The following CSMD1 variants were observed in gnomAD, a reference collection of about 807,000 sequenced individuals.
The protein encoded by CSMD1 is CUB and sushi domain-containing protein 1.
A neutral mutation model predicts 417.5 loss-of-function variants in CSMD1; 213 were observed. The observed-to-expected ratio is 0.51, with a 90% confidence interval of 0.46 to 0.57. The LOEUF is 0.57. CSMD1 is among the 20% of genes least tolerant of loss of function. The pLI, the probability that CSMD1 is intolerant of heterozygous loss-of-function variation, is 0.00. For synonymous variants in CSMD1, 2,862 were observed against 1,736.8 expected, an observed-to-expected ratio of 1.65 and a Z score of -16.11; for missense variants, 6,923 against 4,529.7, an observed-to-expected ratio of 1.53 and a Z score of -15.17.
At chr8:3,770,990 TTCTCTCTC>T (rs147124793) in intron 5 of CSMD1, among the ~76,000 whole-genome samples, 3 of 145,418 alleles carry the variant, frequency 2.1e-5, no homozygotes, top group African/African-American at 7.7e-5. Flanking sequence ...TTTGGACAGT[TTCTCTCTC>T]TCTCTCTCTG....
intron 3 of CSMD1, among the ~76,000 whole-genome samples, chr8:4,318,019 G>A (rs1053326607): frequency 7.9e-5 from 12 of 152,140 alleles, no homozygotes; most frequent in Admixed American, 5.2e-4. Flanking sequence ...GAATCCAGGA[G>A]TAATTCTATT....
chr8:3,904,680 C>T (rs187769106), intron 5 of CSMD1, among the ~76,000 whole-genome samples: 77 of 150,128 alleles, frequency 5.1e-4, no homozygotes, highest in Middle Eastern at 6.8e-3. Context: ...TCTGTCACCC[C>T]GGTTGGACTG....
intron 18 of CSMD1, among the ~76,000 whole-genome samples, chr8:3,381,327 T>C (rs761485850): frequency 3.3e-4 from 50 of 152,150 alleles, no homozygotes; most frequent in Admixed American, 7.2e-4. Flanking sequence ...TTTTTGTCTA[T>C]AGTCCAAATT....
At chr8:4,031,202 TCCTGGTACCA>T (rs1443893878) in intron 4 of CSMD1, among the ~76,000 whole-genome samples, 2 of 152,196 alleles carry the variant, frequency 1.3e-5, no homozygotes, top group African/African-American at 4.8e-5. Context: ...AGTACCCCAC[TCCTGGTACCA>T]ATCTATTGTA....
chr8:4,683,998 T>C (rs966189734), intron 1 of CSMD1, among the ~76,000 whole-genome samples: 1 of 152,232 alleles, frequency 6.6e-6, no homozygotes, highest in African/African-American at 2.4e-5. Flanking sequence ...TATCACTGAC[T>C]GAGTATTGCT....
At chr8:3,199,957 G>A (rs1796906892) in intron 32 of CSMD1, 148 bp from the exon 33 acceptor site, 1 of 581,198 alleles carries the variant, frequency 1.7e-6, no homozygotes, top group Non-Finnish European at 3.1e-6. Flanking sequence ...ACTCAAATAT[G>A]TTGTTTTTAT....
intron 1 of CSMD1, among the ~76,000 whole-genome samples, chr8:4,892,511 C>T (rs1804186242): frequency 6.6e-6 from 1 of 152,074 alleles, no homozygotes; most frequent in Non-Finnish European, 1.5e-5. Context: ...TTTGCAAAGA[C>T]ACCTGGGCTA....
At chr8:3,815,863 G>C (rs2954204) in intron 5 of CSMD1, among the ~76,000 whole-genome samples, 93,837 of 152,026 alleles carry the variant, frequency 0.62, 29,994 homozygotes, top group Non-Finnish European at 0.7. Context: ...ACTAGAGCCA[G>C]TGATGCTCCA....
At chr8:3,433,338 T>C (rs1226065740) in intron 12 of CSMD1, among the ~76,000 whole-genome samples, 1 of 152,182 alleles carries the variant, frequency 6.6e-6, no homozygotes, top group Non-Finnish European at 1.5e-5. Context: ...TGCCTGACTG[T>C]TTTTCTGCAA....
chr8:4,698,573 T>C (rs1807287342), intron 1 of CSMD1, among the ~76,000 whole-genome samples: 1 of 150,072 alleles, frequency 6.7e-6, no homozygotes, highest in African/African-American at 2.5e-5. Flanking sequence ...AAGATAACTG[T>C]TTTTATACAA....
chr8:3,635,379 C>A (rs1796984259), intron 7 of CSMD1, among the ~76,000 whole-genome samples: 1 of 151,888 alleles, frequency 6.6e-6, no homozygotes, highest in South Asian at 2.1e-4. Context: ...GAGGCTGAGG[C>A]AGGAGAATCA....
In CSMD1 at chr8:3,991,910, T is replaced by A. The variant is rs550109831; in HGVS notation, c.818+5993A>T. Among the ~76,000 whole-genome samples, 21 of 152,286 alleles carry A rather than the reference T, an allele frequency of 1.4e-4. No individual in the cohort carries two copies. In the South Asian group the frequency reaches 4.4e-3, roughly 32 times the overall value. ...GAATAGTAGTATCTCCAAGTAGCAG[T>A]AGCAACTATTGTTTATATTTTCTTG... On this transcript the variant is annotated intron_variant, in intron 5 of 69. Transcript: ENST00000635120.
chr8:4,351,871 G>A (rs1311655199), intron 3 of CSMD1, among the ~76,000 whole-genome samples: 1 of 151,858 alleles, frequency 6.6e-6, no homozygotes, highest in Non-Finnish European at 1.5e-5. Context: ...ATATACGACA[G>A]GACTTGTATG....
chr8:4,811,238 C>A (rs1563461320), intron 1 of CSMD1, among the ~76,000 whole-genome samples: 1 of 152,106 alleles, frequency 6.6e-6, no homozygotes, highest in Non-Finnish European at 1.5e-5. Flanking sequence ...GAACTGAAGA[C>A]AATTCAATTT....
At chr8:4,408,530 A>G (rs1796467766) in intron 3 of CSMD1, among the ~76,000 whole-genome samples, 1 of 152,230 alleles carries the variant, frequency 6.6e-6, no homozygotes, top group South Asian at 2.1e-4. Context: ...TCTTGGACAT[A>G]AAGATTTTCC....
chr8:2,951,307 G>GCA, intron 65 of CSMD1, 32 bp from the exon 66 acceptor site: 1 of 1,572,742 alleles, frequency 6.4e-7, no homozygotes, highest in South Asian at 1.2e-5. Flanking sequence ...ACCAATGTCA[G>GCA]CACACACACA....
intron 5 of CSMD1, among the ~76,000 whole-genome samples, chr8:3,755,215 C>T (rs1479441132): frequency 2.0e-5 from 3 of 152,286 alleles, no homozygotes; most frequent in Middle Eastern, 3.4e-3. Context: ...GCTTCTGATA[C>T]AGGATTGCGT....
intron 3 of CSMD1, among the ~76,000 whole-genome samples, chr8:4,376,249 T>G (rs1563109255): frequency 6.6e-6 from 1 of 152,212 alleles, no homozygotes; most frequent in Non-Finnish European, 1.5e-5. Flanking sequence ...TTGACAATAC[T>G]GATAGCATTT....
At position 3,452,636 on chromosome 8, in the gene CSMD1, T is replaced by C. The variant is rs191678566; in HGVS notation, c.1561+16076A>G. The stretch of plus-strand genomic sequence containing the variant: ...GATTATGTTAATTGATTTGGGTATG[T>C]TGAATCAGCCTTGCATCCCAGGGAT... On this transcript the variant is annotated intron_variant, in intron 12 of 69. Coordinates refer to ENST00000635120, the MANE Select transcript of CSMD1 (RefSeq NM_033225.6). Among the ~76,000 whole-genome samples the C allele has an allele frequency of 1.4e-3, 209 of 152,344 alleles. 1 individual carries two copies. The highest frequency in any genetic ancestry group is 6.8e-3 in the Middle Eastern group (2 of 294).
Sources: gnomAD v4.1 joint callset for allele counts (sites outside exome capture counted in the v4.1 genomes callset) on GRCh38, gnomAD v4.1.1 for gene constraint, MANE v1.5 for transcripts, NCBI Gene and HGNC (gene_info 2026-07-23, HGNC 2026-07-21) for gene names.